Variants in RAD21L1 observed in about 807,000 individuals in gnomAD.
RAD21L1 encodes RAD21 cohesin complex component like 1.
In RAD21L1, 47 loss-of-function variants were observed where a neutral mutation model predicts 69.0. That is an observed-to-expected ratio of 0.68 (90% CI 0.54 to 0.87). The LOEUF is 0.87. Ranked by LOEUF, RAD21L1 falls within the 40% of genes least tolerant of loss-of-function variation. The probability of loss-of-function intolerance (pLI) is 0.00; values close to 1 mark genes in which losing one functional copy is unlikely to be tolerated. For missense variants in RAD21L1, 583 were observed against 647.6 expected (o/e 0.90, Z 1.08); for synonymous variants, 177 against 205.8 (o/e 0.86, Z 1.20).
chr20:1,242,714 T>A lies in RAD21L1; in HGVS notation c.952T>A (p.Phe318Ile), dbSNP rs373895148. Residue 318 changes from phenylalanine (F) to isoleucine (I), a missense_variant, in exon 9 of 14, where the codon TTT (phenylalanine) becomes ATT (isoleucine). By Grantham distance (21) the Phe-to-Ile change is conservative (BLOSUM62 0). Transcript: ENST00000683101. The part of the protein sequence containing the change: ...SKVIHKQLTS[F>I]ADTLMVLELA... ...AGTTATACATAAACAGCTTACTTCCTTTGCGGACACACTCATGGTTTTGGA... is the reference window on the plus strand; with the variant it reads ...AGTTATACATAAACAGCTTACTTCCATTGCGGACACACTCATGGTTTTGGA... The A allele has an allele frequency of 1.3e-6, 2 of 1,551,664 alleles. No individual in the cohort carries two copies. Among genetic ancestry groups the A allele is most frequent in the Non-Finnish European group, 1.7e-6 (2 of 1,146,924 alleles).
At chr20:1,243,815 T>C (rs935636978) in intron 10 of RAD21L1, among the ~76,000 whole-genome samples, 2 of 152,072 alleles carry the variant, frequency 1.3e-5, no homozygotes, top group Admixed American at 1.3e-4. Flanking sequence ...TGAGAGCGTG[T>C]GTAGAGGAGA....
chr20:1,241,501 A>T (rs867171328), intron 8 of RAD21L1, among the ~76,000 whole-genome samples: 5 of 152,164 alleles, frequency 3.3e-5, no homozygotes, highest in Non-Finnish European at 7.3e-5. Context: ...GCAAACAGTA[A>T]AGCATTTTTT....
rs537732457 is a variant in RAD21L1, at chr20:1,234,221, A to C, written c.475+30A>C. The C allele has an allele frequency of 2.4e-5, 22 of 920,628 alleles. No homozygotes were observed. In the East Asian group the frequency reaches 5.8e-4, roughly 24 times the overall value. 57.0% of individuals were successfully genotyped at this position (920,628 alleles called of 1,614,324 possible). A position where few individuals can be genotyped will look rare whatever the true frequency, so the allele number is the denominator to read the frequency against. The stretch of plus-strand genomic sequence containing the variant: ...GAATATTTGAGAACTCAAAATTACA[A>C]ATTATAATCAATTATATTTGTATTT... On this transcript the variant is annotated intron_variant, in intron 5 of 13. Transcript: ENST00000683101.
intron 4 of RAD21L1, 124 bp from the exon 5 acceptor site, chr20:1,233,961 T>C (rs553867875): frequency 3.6e-6 from 2 of 552,364 alleles, no homozygotes; most frequent in East Asian, 2.9e-5. Flanking sequence ...AATAAACTAG[T>C]GTTTATAAAT....
At position 1,226,623 on chromosome 20, in the gene RAD21L1, C is replaced by T. The variant is rs145818464; in HGVS notation, c.-33+483C>T. Among the ~76,000 whole-genome samples the T allele has an allele frequency of 8.2e-3, 1,244 of 152,078 alleles. 6 individuals carry two copies. Among genetic ancestry groups the T allele is most frequent in the Middle Eastern group, 0.041 (12 of 292 alleles). The stretch of plus-strand genomic sequence containing the variant: ...CGACCCCTTCCTCCCTCCCTTCGCT[C>T]CCTCCCCGCCACCGCCGCCACCCTG... On this transcript the variant is annotated intron_variant, in intron 1 of 13. Transcript: ENST00000683101.
At chr20:1,244,494 A>C (rs951221893) in intron 11 of RAD21L1, among the ~76,000 whole-genome samples, 1 of 152,128 alleles carries the variant, frequency 6.6e-6, no homozygotes, top group Non-Finnish European at 1.5e-5. Flanking sequence ...GTGTCATGGA[A>C]TGTTTTAGAA....
chr20:1,251,406 G>A (rs1243940204), intron 13 of RAD21L1, among the ~76,000 whole-genome samples: 7 of 149,492 alleles, frequency 4.7e-5, no homozygotes, highest in African/African-American at 1.5e-4. Flanking sequence ...TTACCATGTA[G>A]TGTGTTCTTT....
intron 1 of RAD21L1, among the ~76,000 whole-genome samples, chr20:1,226,890 A>G (rs531739321): frequency 1.3e-5 from 2 of 152,340 alleles, no homozygotes; most frequent in South Asian, 4.1e-4. Context: ...TTTCTCTTTT[A>G]AGAAGTCCAT....
chr20:1,227,876 T>C lies in RAD21L1; in HGVS notation c.-32-546T>C, dbSNP rs1220570691. Among the ~76,000 whole-genome samples the C allele has an allele frequency of 2.0e-5, 3 of 152,328 alleles. No homozygotes were observed. The East Asian group carries it at 5.8e-4, about 29-fold the overall frequency. ...ATGGAAACTCCACTCCACTCCACTTTTTGGAGTCCCGTGATTTTAACTTCA... is the reference window on the plus strand; with the variant it reads ...ATGGAAACTCCACTCCACTCCACTTCTTGGAGTCCCGTGATTTTAACTTCA... On this transcript the variant is annotated intron_variant, in intron 1 of 13. Coordinates refer to ENST00000683101, the MANE Select transcript of RAD21L1 (RefSeq NM_001384355.1).
intron 11 of RAD21L1, among the ~76,000 whole-genome samples, chr20:1,244,618 A>G (rs564324498): frequency 4.8e-4 from 73 of 152,328 alleles, no homozygotes; most frequent in African/African-American, 1.7e-3. Context: ...AAGACTATCT[A>G]AAGATCTATG....
At chr20:1,237,014 G>A (rs2087507818) in intron 5 of RAD21L1, among the ~76,000 whole-genome samples, 1 of 152,132 alleles carries the variant, frequency 6.6e-6, no homozygotes, top group Non-Finnish European at 1.5e-5. Flanking sequence ...AAGTAATTTA[G>A]TCTTTTCTTC....
Position 1,243,202 on chromosome 20 carries a change from A to G in RAD21L1, c.1183+6A>G, listed in dbSNP as rs1408674130. ...GGGAAACCAAAATATAGTAGGTGAG[A>G]CTTCTTAATTCTGTTGATGTTGAGG... is the stretch of plus-strand genomic sequence containing the variant. On this transcript the variant is annotated splice_donor_region_variant and intron_variant, in intron 10 of 13. Coordinates refer to ENST00000683101, the MANE Select transcript of RAD21L1 (RefSeq NM_001384355.1). 2 of 1,371,180 alleles carry G rather than the reference A, an allele frequency of 1.5e-6. No individual in the cohort carries two copies. The highest frequency in any genetic ancestry group is 5.1e-5 in the East Asian group (2 of 39,372). 84.9% of individuals were successfully genotyped at this position (1,371,180 alleles called of 1,614,324 possible).
chr20:1,240,537 C>A, intron 8 of RAD21L1, 103 bp downstream of exon 8: 2 of 1,423,102 alleles, frequency 1.4e-6, no homozygotes, highest in South Asian at 1.6e-5. Flanking sequence ...GATAGTCAAT[C>A]TAGTAATAGC....
intron 1 of RAD21L1, 50 bp from the exon 2 acceptor site, chr20:1,228,372 T>C: frequency 3.1e-6 from 3 of 980,374 alleles, no homozygotes; most frequent in Non-Finnish European, 4.2e-6. Flanking sequence ...CTTATAGCAA[T>C]AAAAAGTTTT....
At chr20:1,242,954 G>C in intron 9 of RAD21L1, 109 bp downstream of exon 9, 1 of 926,152 alleles carries the variant, frequency 1.1e-6, no homozygotes, top group East Asian at 2.7e-5. Context: ...TTAAACTTGC[G>C]AAGAAGTACT....
intron 12 of RAD21L1, among the ~76,000 whole-genome samples, chr20:1,247,041 C>A (rs1243440076): frequency 6.6e-6 from 1 of 152,030 alleles, no homozygotes; most frequent in Non-Finnish European, 1.5e-5. Context: ...GAAAAGAGAC[C>A]AAATTCTCTA....
chr20:1,248,689 T>A lies in RAD21L1; in HGVS notation c.1465T>A (p.Leu489Ile), dbSNP rs373171652. ...ATGGAATGGAAGAATACTTCAGATG[T>A]TAAATCGTTTACGGGTGAGATGCTA... ...ERWNGRILQMLNRLRESNKMG... is the reference protein window; with the variant it reads ...ERWNGRILQMINRLRESNKMG... Residue 489 changes from leucine to isoleucine, a missense_variant, in exon 13 of 14, where the codon TTA (leucine) becomes ATA (isoleucine). Leu to Ile is a conservative substitution (Grantham distance 5). Coordinates refer to ENST00000683101, the MANE Select transcript of RAD21L1 (RefSeq NM_001384355.1). 6.5e-7 allele frequency: 1 copy of A among 1,528,864 alleles called. No individual in the cohort carries two copies. The highest frequency in any genetic ancestry group is 1.4e-5 in the African/African-American group (1 of 72,234). The allele number at this position is 1,528,864 out of a possible 1,614,324, so 94.7% of individuals were successfully genotyped here. A position where few individuals can be genotyped will look rare whatever the true frequency, so the allele number is the denominator to read the frequency against.
Position 1,228,590 on chromosome 20 carries a change from C to A in RAD21L1, c.137C>A (p.Ser46Ter). 6.5e-7 allele frequency: 1 copy of A among 1,540,324 alleles called. No homozygotes were observed. Residue 46 changes from serine (S) to a stop codon, truncating the protein, a stop_gained, in exon 2 of 14, where the codon TCA (serine) becomes TAA (stop). Coordinates refer to ENST00000683101, the MANE Select transcript of RAD21L1 (RefSeq NM_001384355.1). LOFTEE classifies it high-confidence loss of function. ...GAGATAACCATTGAAAAAATTCTTT[C>A]ACCCAAGGTATGTTACTGATTAAAA... ...NLEITIEKIL[S>*]PKVKIALRTS...
At chr20:1,242,895 A>T (rs2122845526) in intron 9 of RAD21L1, 50 bp downstream of exon 9, 2 of 1,169,172 alleles carry the variant, frequency 1.7e-6, no homozygotes, top group East Asian at 2.6e-5. Context: ...TTATAAATAA[A>T]TAATAAATAA....
Sources: gnomAD v4.1 joint callset for allele counts (sites outside exome capture counted in the v4.1 genomes callset) on GRCh38, gnomAD v4.1.1 for gene constraint, MANE v1.5 for transcripts, NCBI Gene and HGNC (gene_info 2026-07-23, HGNC 2026-07-21) for gene names.